Variants in CYP26B1 observed in about 807,000 individuals in gnomAD.
The protein encoded by CYP26B1 is cytochrome P450 26B1.
In CYP26B1, 8 loss-of-function variants were observed where a neutral mutation model predicts 39.1. The ratio of observed to expected loss-of-function variants is 0.20; its 90% CI spans 0.12 to 0.37. The LOEUF (loss-of-function observed/expected upper bound fraction) is 0.37. Ranked by LOEUF, CYP26B1 falls within the 10% of genes least tolerant of loss-of-function variation. The pLI is 1.00. For missense variants in CYP26B1, 615 were observed against 707.0 expected, an observed-to-expected ratio of 0.87 and a Z score of 1.48; for synonymous variants, 321 against 314.3, an observed-to-expected ratio of 1.02 and a Z score of -0.23.
chr2:72,147,392 C>T lies in CYP26B1; in HGVS notation c.204+239G>A, dbSNP rs1558973722. 6.6e-6 allele frequency among the ~76,000 whole-genome samples: 1 copy of T among 152,220 alleles called. No individual in the cohort carries two copies. The highest frequency in any genetic ancestry group is 2.1e-4 in the South Asian group (1 of 4,836). On this transcript the variant is annotated intron_variant, in intron 1 of 5. Transcript: ENST00000001146. The surrounding 1 kb of genome is among the most constrained non-coding windows in gnomAD (Gnocchi z 6.1). ...GGCAAGTCCATCTTGGGAGCCCCCT[C>T]AGGTCCGGGAACCCCTCTTACCAGC...
intron 2 of CYP26B1, among the ~76,000 whole-genome samples, chr2:72,143,400 G>T (rs1473798334): frequency 2.7e-5 from 4 of 150,358 alleles, no homozygotes; most frequent in Non-Finnish European, 5.9e-5. Flanking sequence ...TTTGATCCCC[G>T]CTCGTGCCTC....
chr2:72,136,030 A>G (rs1676762402), intron 2 of CYP26B1, among the ~76,000 whole-genome samples: 1 of 152,186 alleles, frequency 6.6e-6, no homozygotes, highest in Admixed American at 6.5e-5. Flanking sequence ...GCAGCCAGTG[A>G]GTCCTGTTTC....
Position 72,147,733 on chromosome 2 carries a change from C to G in CYP26B1, c.102G>C (p.Gln34His), listed in dbSNP as rs758321648. 6 of 1,592,986 alleles carry G rather than the reference C, an allele frequency of 3.8e-6. No homozygotes were observed. The highest frequency in any genetic ancestry group is 3.3e-4 in the Middle Eastern group (2 of 6,048). The part of the protein sequence containing the change: ...LLLAVSQQLW[Q>H]LRWAATRDKS... The stretch of plus-strand genomic sequence containing the variant: ...TGTCGCGAGTGGCGGCCCAGCGCAG[C>G]TGCCACAGCTGCTGCGACACGGCCA... The change falls in exon 1 of 6, where the codon CAG (glutamine) becomes CAC (histidine). Residue 34 changes from glutamine to histidine, a missense_variant. Coordinates refer to ENST00000001146, the MANE Select transcript of CYP26B1 (RefSeq NM_019885.4). The surrounding 1 kb of genome is among the most constrained non-coding windows in gnomAD (Gnocchi z 6.1).
At chr2:72,145,013 C>G (rs1389245952) in intron 1 of CYP26B1, among the ~76,000 whole-genome samples, 2 of 152,114 alleles carry the variant, frequency 1.3e-5, no homozygotes, top group African/African-American at 2.4e-5. Flanking sequence ...GTGGAGACCT[C>G]AGAGGGGCGG....
At position 72,129,778 on chromosome 2, in the gene CYP26B1, C is replaced by CATA. The variant is rs1035576277; in HGVS notation, c.*2448_*2449insTAT. 6.6e-6 allele frequency: 1 copy of CATA among 152,222 alleles called. No homozygotes were observed. Among genetic ancestry groups the CATA allele is most frequent in the African/African-American group, 2.4e-5 (1 of 41,288 alleles). The allele number at this position is 152,222 out of a possible 1,614,324, so 9.4% of individuals were successfully genotyped here. ...GTTTTGTCTTTTTAAGGTCAAGTTG[C>CATA]AATAGTTAGGGATGATAAGTAAGAA... On this transcript the variant is annotated 3_prime_UTR_variant, in exon 6 of 6. Coordinates refer to ENST00000001146, the MANE Select transcript of CYP26B1 (RefSeq NM_019885.4).
Position 72,133,318 on chromosome 2 carries a change from CAGAGG to C in CYP26B1, c.862-16_862-12del, listed in dbSNP as rs774911113. 90 of 1,599,290 alleles carry C rather than the reference CAGAGG, an allele frequency of 5.6e-5. No homozygotes were observed. Among genetic ancestry groups the C allele is most frequent in the African/African-American group, 2.1e-4 (16 of 75,058 alleles). ...CTCCAGGGTCCCGTCCTGCAGGGCA[CAGAGG>C]AGAGGTGTTGTTGGAGGTGTGGGTT... On this transcript the variant is annotated splice_polypyrimidine_tract_variant and intron_variant, in intron 4 of 5. Transcript: ENST00000001146.
At position 72,144,181 on chromosome 2, in the gene CYP26B1, C is replaced by T. The variant is rs199556241; in HGVS notation, c.237G>A (p.Lys79=). ...GSGFQSSRRE[K]YGNVFKTHLL... ...AATGCGTCTTGAACACGTTGCCATACTTCTCCCTCCGCGACGACTGGAAGC... is the reference window on the plus strand; with the variant it reads ...AATGCGTCTTGAACACGTTGCCATATTTCTCCCTCCGCGACGACTGGAAGC... Residue 79 remains lysine, a synonymous_variant, in exon 2 of 6, where the codon AAG becomes AAA. Coordinates refer to ENST00000001146, the MANE Select transcript of CYP26B1 (RefSeq NM_019885.4). 8.1e-6 allele frequency: 13 copies of T among 1,601,366 alleles called. 1 individual carries two copies. The Admixed American group carries it at 1.8e-4, about 23-fold the overall frequency.
chr2:72,141,809 C>A (rs973853514), intron 2 of CYP26B1, among the ~76,000 whole-genome samples: 1 of 152,208 alleles, frequency 6.6e-6, no homozygotes, highest in Non-Finnish European at 1.5e-5. Flanking sequence ...AAACTGAAAT[C>A]ATCAGTTAGG....
chr2:72,131,238 G>A lies in CYP26B1; in HGVS notation c.*989C>T, dbSNP rs1008285898. 5.9e-5 allele frequency: 9 copies of A among 152,568 alleles called. No individual in the cohort carries two copies. The highest frequency in any genetic ancestry group is 1.9e-4 in the East Asian group (1 of 5,168). 9.5% of individuals were successfully genotyped at this position (152,568 alleles called of 1,614,324 possible). On this transcript the variant is annotated 3_prime_UTR_variant, in exon 6 of 6. Transcript: ENST00000001146. ...CCACCAGGGATAAGGCAGAGGCACC[G>A]GACTTCAGTCCAGGAGTGAGGCTCC...
Position 72,134,768 on chromosome 2 carries a change from T to A in CYP26B1, c.854A>T (p.Glu285Val). The A allele has an allele frequency of 6.2e-7, 1 of 1,613,472 alleles. No individual in the cohort carries two copies. The highest frequency in any genetic ancestry group is 8.5e-7 in the Non-Finnish European group (1 of 1,179,686). ...GGCACACGCCCACCCCACCTTCAGC[T>A]CCTGCATGGTCATCTCCTTCCCGTG... Reference protein sequence around the residue: ...KEHGKEMTMQELKDGTLELIF... With the variant: ...KEHGKEMTMQVLKDGTLELIF... Residue 285 changes from glutamate to valine, a missense_variant, in exon 4 of 6, where the codon GAG (glutamate) becomes GTG (valine). Glu to Val is a moderately radical substitution (Grantham distance 121). Transcript: ENST00000001146.
At chr2:72,134,002 A>C (rs1676680184) in intron 4 of CYP26B1, among the ~76,000 whole-genome samples, 3 of 152,230 alleles carry the variant, frequency 2.0e-5, no homozygotes, top group Admixed American at 2.0e-4. Context: ...CTGGGCCCAG[A>C]GAGGGCAATG....
At chr2:72,144,589 C>T in intron 1 of CYP26B1, 11 of 784,518 alleles carry the variant, frequency 1.4e-5, no homozygotes, top group Non-Finnish European at 1.7e-5. Context: ...TTCCAGGCTC[C>T]GGGCCACGGG....
rs10207340 is a variant in CYP26B1, at chr2:72,144,446, G to A, written c.205-233C>T. 4,934 of 1,329,948 alleles carry A rather than the reference G, an allele frequency of 3.7e-3. 150 individuals are homozygous for A. The African/African-American group carries it at 0.064, about 17-fold the overall frequency. The allele number at this position is 1,329,948 out of a possible 1,614,324, so 82.4% of individuals were successfully genotyped here. ...GGCGGAGGCCCAGGGGCACCCCCAG[G>A]AGGCTGTTTTTTGGTAATGACTTTC... On this transcript the variant is annotated intron_variant, in intron 1 of 5. Coordinates refer to ENST00000001146, the MANE Select transcript of CYP26B1 (RefSeq NM_019885.4).
At chr2:72,133,486 C>T (rs1038769883) in intron 4 of CYP26B1, among the ~76,000 whole-genome samples, 179 bp from the exon 5 acceptor site, 1 of 152,226 alleles carries the variant, frequency 6.6e-6, no homozygotes, top group African/African-American at 2.4e-5. Flanking sequence ...ACGATGGACA[C>T]GGGGGTCACA....
chr2:72,142,799 C>T (rs1676980271), intron 2 of CYP26B1, among the ~76,000 whole-genome samples: 1 of 152,198 alleles, frequency 6.6e-6, no homozygotes, highest in African/African-American at 2.4e-5. Context: ...AGGAGTGGGG[C>T]AGATGGAAGA....
At position 72,131,618 on chromosome 2, in the gene CYP26B1, A is replaced by C. The variant is rs1335249624; in HGVS notation, c.*609T>G. On this transcript the variant is annotated 3_prime_UTR_variant, in exon 6 of 6. Transcript: ENST00000001146. ...CAGGGCCTGGGGCTCCTTTGCCCCA[A>C]GGTCAGAGGACAGAACAAGTAGCAG... 1 of 152,948 alleles carries C rather than the reference A, an allele frequency of 6.5e-6. No individual in the cohort carries two copies. The highest frequency in any genetic ancestry group is 1.5e-5 in the Non-Finnish European group (1 of 68,314). The allele number at this position is 152,948 out of a possible 1,614,324, so 9.5% of individuals were successfully genotyped here.
chr2:72,147,322 G>A lies in CYP26B1; in HGVS notation c.204+309C>T, dbSNP rs1344615469. On this transcript the variant is annotated intron_variant, in intron 1 of 5. Coordinates refer to ENST00000001146, the MANE Select transcript of CYP26B1 (RefSeq NM_019885.4). This position sits in a 1 kb window ranked among gnomAD's most constrained non-coding sequence, Gnocchi z 6.1. ...CCCCCGGGACCGCGCCTCGCTAGGCGCCCCCGGGGCGCTCCACGCCCCCTG... is the reference window on the plus strand; with the variant it reads ...CCCCCGGGACCGCGCCTCGCTAGGCACCCCCGGGGCGCTCCACGCCCCCTG... Among the ~76,000 whole-genome samples the A allele has an allele frequency of 6.6e-6, 1 of 152,068 alleles. No homozygotes were observed. Among genetic ancestry groups the A allele is most frequent in the African/African-American group, 2.4e-5 (1 of 41,418 alleles).
chr2:72,144,490 C>A, intron 1 of CYP26B1: 4 of 1,226,542 alleles, frequency 3.3e-6, no homozygotes, highest in Non-Finnish European at 4.1e-6. Flanking sequence ...AGAGGTATCC[C>A]GGACAGCTGG....
In CYP26B1 at chr2:72,130,453, T is replaced by C. The variant is rs1676532618; in HGVS notation, c.*1774A>G. 6.6e-6 allele frequency: 1 copy of C among 152,156 alleles called. No individual in the cohort carries two copies. The highest frequency in any genetic ancestry group is 2.4e-5 in the African/African-American group (1 of 41,404). 9.4% of individuals were successfully genotyped at this position (152,156 alleles called of 1,614,324 possible). Reference sequence around the variant, plus strand: ...GGTATGGGCCCGTTCCTATAGTCTATCTTCAGGGTGGCTGTGAGTGGGGTC... The same window carrying C: ...GGTATGGGCCCGTTCCTATAGTCTACCTTCAGGGTGGCTGTGAGTGGGGTC... On this transcript the variant is annotated 3_prime_UTR_variant, in exon 6 of 6. Coordinates refer to ENST00000001146, the MANE Select transcript of CYP26B1 (RefSeq NM_019885.4).
Sources: gnomAD v4.1 joint callset for allele counts (sites outside exome capture counted in the v4.1 genomes callset) on GRCh38, gnomAD v4.1.1 for gene constraint, Gnocchi (gnomAD v3.1) non-coding constraint, MANE v1.5 for transcripts, NCBI Gene and HGNC (gene_info 2026-07-23, HGNC 2026-07-21) for gene names.